The following MACF1 variants were observed in gnomAD, a reference collection of about 807,000 sequenced individuals.
The protein encoded by MACF1 is microtubule-actin cross-linking factor 1.
In MACF1, 193 loss-of-function variants were observed where a neutral mutation model predicts 854.8. The observed-to-expected ratio is 0.23, with a 90% CI of 0.20 to 0.25. MACF1 has a LOEUF of 0.25. MACF1 is among the 10% of genes least tolerant of loss of function. The probability of loss-of-function intolerance (pLI) is 1.00; values close to 1 mark genes in which losing one functional copy is unlikely to be tolerated. For missense variants in MACF1, 7,722 were observed against 8,929.1 expected, an observed-to-expected ratio of 0.86 and a Z score of 5.45; for synonymous variants, 3,185 against 3,226.7, an observed-to-expected ratio of 0.99 and a Z score of 0.44.
intron 36 of MACF1, among the ~76,000 whole-genome samples, chr1:39,329,324 T>C (rs1356260678): frequency 6.6e-6 from 1 of 152,218 alleles, no homozygotes; most frequent in Non-Finnish European, 1.5e-5. Flanking sequence ...TCTTATTGTA[T>C]GCACCTCATC....
At chr1:39,174,011 T>A (rs1208174108) in intron 2 of MACF1, among the ~76,000 whole-genome samples, 3 of 152,092 alleles carry the variant, frequency 2.0e-5, no homozygotes, top group Non-Finnish European at 4.4e-5. Context: ...GAAGGAATGA[T>A]AGCTAAATAG....
In MACF1 at chr1:39,284,091, A is replaced by G. The variant is rs1361810000; in HGVS notation, c.941A>G (p.Tyr314Cys). 1 of 1,613,984 alleles carries G rather than the reference A, an allele frequency of 6.2e-7. No individual in the cohort carries two copies. Among genetic ancestry groups the G allele is most frequent in the East Asian group, 2.2e-5 (1 of 44,886 alleles). ...GAAGTGGACTCCAGGTGGCAAGAAT[A>G]CCAAAGCCGAGTGGACTCCCTCATT... ...ATEVDSRWQE[Y>C]QSRVDSLIPW... Residue 314 changes from tyrosine (Y) to cysteine (C), a missense_variant, in exon 10 of 101, where the codon TAC (tyrosine) becomes TGC (cysteine). By Grantham distance (194) the Tyr-to-Cys change is radical. Around this residue, in one of 15 missense-constraint regions of MACF1, gnomAD observed 97 missense variants for 130.4 expected, o/e 0.74. Transcript: ENST00000564288.
In MACF1 at chr1:39,327,211, C is replaced by T. The variant is rs1646632755; in HGVS notation, c.4479-7C>T. ...TCCTAAAAAAGCTTTAATGCTTCAT[C>T]TTCCAGGCTCTCAGAAAAAGAGAAG... is the stretch of plus-strand genomic sequence containing the variant. On this transcript the variant is annotated splice_region_variant and splice_polypyrimidine_tract_variant and intron_variant, in intron 35 of 100. Coordinates refer to ENST00000564288, the MANE Select transcript of MACF1 (RefSeq NM_001394062.1). 2 of 1,559,702 alleles carry T rather than the reference C, an allele frequency of 1.3e-6. No homozygotes were observed. The highest frequency in any genetic ancestry group is 2.3e-5 in the South Asian group (2 of 85,266).
In MACF1 at chr1:39,413,086, A is replaced by C. The variant is rs542491711; in HGVS notation, c.15817-9288A>C. On this transcript the variant is annotated intron_variant, in intron 58 of 100. Transcript: ENST00000564288. ...TGCTCCAGCTGTTGCAGCAGCCATC[A>C]CACAGGAGGGTATGTCAGCTGTCGC... 20 of 1,603,980 alleles carry C rather than the reference A, an allele frequency of 1.2e-5. No individual in the cohort carries two copies. The South Asian group carries it at 2.2e-4, about 18-fold the overall frequency.
chr1:39,460,847 T>C lies in MACF1; in HGVS notation c.21523+53T>C. On this transcript the variant is annotated intron_variant, in intron 92 of 100. Coordinates refer to ENST00000564288, the MANE Select transcript of MACF1 (RefSeq NM_001394062.1). The surrounding 1 kb of genome is among the most constrained non-coding windows in gnomAD (Gnocchi z 4.1). ...GGTCACACCTGGATTCCTTGCACTT[T>C]GTAGAAGCTGTGATATTCTAGCTAA... 2 of 1,588,112 alleles carry C rather than the reference T, an allele frequency of 1.3e-6. No homozygotes were observed. Among genetic ancestry groups the C allele is most frequent in the Non-Finnish European group, 1.7e-6 (2 of 1,157,986 alleles).
chr1:39,392,425 ACT>A (rs1484088459), intron 58 of MACF1, among the ~76,000 whole-genome samples: 1 of 152,114 alleles, frequency 6.6e-6, no homozygotes, highest in Non-Finnish European at 1.5e-5. Flanking sequence ...ATAAAGTATG[ACT>A]CTGTTTTCAG....
rs1190553111 is a variant in MACF1 at position 39,105,384 on chromosome 1, G to C, written c.220+20946G>C. The stretch of plus-strand genomic sequence containing the variant: ...CGGGCTGAGGGAGGAGCGGAGCCGA[G>C]GGGTGAGGACGCGGAAACGCGAGCC... On this transcript the variant is annotated intron_variant, in intron 2 of 93. Transcript: ENST00000361689. This position sits in a 1 kb window ranked among gnomAD's most constrained non-coding sequence, Gnocchi z 5.9. 9 of 986,096 alleles carry C rather than the reference G, an allele frequency of 9.1e-6. No individual in the cohort carries two copies. The highest frequency in any genetic ancestry group is 1.1e-4 in the East Asian group (1 of 8,900). 61.1% of individuals were successfully genotyped at this position (986,096 alleles called of 1,614,324 possible).
chr1:39,326,549 C>T lies in MACF1; in HGVS notation c.4479-669C>T, dbSNP rs549808703. 1.1e-3 allele frequency among the ~76,000 whole-genome samples: 160 copies of T among 151,764 alleles called. 1 individual carries two copies. The highest frequency in any genetic ancestry group is 1.9e-3 in the Non-Finnish European group (132 of 67,886). ...TACAAAAATTAGCTGGGTGTGGTGGCGGGCACGTGTAATCCCAGCTACTCG... is the reference window on the plus strand; with the variant it reads ...TACAAAAATTAGCTGGGTGTGGTGGTGGGCACGTGTAATCCCAGCTACTCG... On this transcript the variant is annotated intron_variant, in intron 35 of 100. Coordinates refer to ENST00000564288, the MANE Select transcript of MACF1 (RefSeq NM_001394062.1).
chr1:39,303,841 C>T (rs1309410568), intron 23 of MACF1, among the ~76,000 whole-genome samples: 2 of 150,862 alleles, frequency 1.3e-5, no homozygotes, highest in African/African-American at 2.4e-5. Flanking sequence ...TGCACCACTG[C>T]ACTCCAGCCT....
intron 2 of MACF1, among the ~76,000 whole-genome samples, chr1:39,130,772 C>T (rs562745938): frequency 2.2e-4 from 33 of 152,022 alleles, no homozygotes; most frequent in African/African-American, 7.0e-4. Flanking sequence ...GGTAAATCAA[C>T]GTTCCCTAGA....
chr1:39,318,426 G>T (rs1227618657), intron 29 of MACF1, 27 bp from the exon 30 acceptor site: 8 of 1,606,782 alleles, frequency 5.0e-6, no homozygotes, highest in Non-Finnish European at 6.8e-6. Flanking sequence ...CAAGGTATCT[G>T]ATAGCAGTTT....
At chr1:39,196,634 C>G (rs1644323957) in intron 2 of MACF1, among the ~76,000 whole-genome samples, 2 of 152,308 alleles carry the variant, frequency 1.3e-5, no homozygotes, top group African/African-American at 4.8e-5. Context: ...AAAGACTTCT[C>G]TCTTTGTAAG....
intron 2 of MACF1, among the ~76,000 whole-genome samples, chr1:39,100,874 TTAAA>T (rs1179827625): frequency 6.6e-6 from 1 of 151,762 alleles, no homozygotes; most frequent in Non-Finnish European, 1.5e-5. Flanking sequence ...ATAAATTAAA[TTAAA>T]TTAAATAAAG....
At position 39,424,102 on chromosome 1, in the gene MACF1, G is replaced by A; in HGVS notation, c.16224G>A (p.Gln5408=). 3 of 1,612,982 alleles carry A rather than the reference G, an allele frequency of 1.9e-6. No individual in the cohort carries two copies. The highest frequency in any genetic ancestry group is 2.5e-6 in the Non-Finnish European group (3 of 1,179,822). ...MLQAEGGRIA[Q]SAELADREKI... Reference sequence around the variant, plus strand: ...AAGCAGAAGGAGGCAGAATAGCCCAGTCAGCAGAGCTGGCTGATAGAGAGA... The same window carrying A: ...AAGCAGAAGGAGGCAGAATAGCCCAATCAGCAGAGCTGGCTGATAGAGAGA... Residue 5408 remains glutamine, a synonymous_variant, in exon 61 of 101, where the codon CAG becomes CAA. Coordinates refer to ENST00000564288, the MANE Select transcript of MACF1 (RefSeq NM_001394062.1).
chr1:39,297,737 G>C lies in MACF1; in HGVS notation c.2473G>C (p.Asp825His), dbSNP rs779221681. 1 of 1,614,040 alleles carries C rather than the reference G, an allele frequency of 6.2e-7. No individual in the cohort carries two copies. Among genetic ancestry groups the C allele is most frequent in the South Asian group, 1.1e-5 (1 of 91,070 alleles). ...ATCCCGCCTTGAAGACCTGCTCCAG[G>C]ACTCCATGGTGGGTGTTGCCTCAGT... ...SLSRLEDLLQDSMDEKEQLIQ... is the reference protein window; with the variant it reads ...SLSRLEDLLQHSMDEKEQLIQ... Residue 825 changes from aspartate (D) to histidine (H), a missense_variant, in exon 21 of 101, where the codon GAC becomes CAC. Transcript: ENST00000564288.
chr1:39,128,905 G>A (rs144248805), intron 2 of MACF1, among the ~76,000 whole-genome samples: 44 of 152,232 alleles, frequency 2.9e-4, no homozygotes, highest in Non-Finnish European at 5.0e-4. Context: ...ATGAAATGCC[G>A]TGTATCGTCA....
chr1:39,271,698 C>T (rs1284188093), intron 6 of MACF1, among the ~76,000 whole-genome samples: 3 of 152,098 alleles, frequency 2.0e-5, no homozygotes, highest in Admixed American at 2.0e-4. Context: ...ATTGTGTAGT[C>T]ATCATAACAT....
intron 2 of MACF1, among the ~76,000 whole-genome samples, chr1:39,186,204 CTCTCTCTCTCTGTGTGTGTGTGTGTG>C (rs1318342908): frequency 1.4e-4 from 9 of 64,652 alleles, no homozygotes; most frequent in South Asian, 5.8e-4. Context: ...CTCTCTCTCT[CTCTCTCTCTCTGTGTGTGTGTGTGTG>C]TGTGTGTGTG....
chr1:39,103,837 G>T (rs1295008325), intron 2 of MACF1: 2 of 152,196 alleles, frequency 1.3e-5, no homozygotes, highest in Non-Finnish European at 2.9e-5. Flanking sequence ...TATGATTAAT[G>T]ACTTGCTCAC....
Sources: allele counts gnomAD v4.1 joint callset (sites outside exome capture counted in the v4.1 genomes callset), GRCh38; gene constraint gnomAD v4.1.1; regional missense constraint gnomAD v4.1.1; non-coding constraint Gnocchi (gnomAD v3.1); transcripts MANE v1.5; gene names NCBI Gene and HGNC (gene_info 2026-07-23, HGNC 2026-07-21).